The following CNTN4 variants were observed in gnomAD, a reference collection of about 807,000 sequenced individuals.
CNTN4 encodes the protein contactin-4.
CNTN4 carries 77 observed loss-of-function variants against 122.5 expected under a neutral mutation model. The ratio of observed to expected loss-of-function variants is 0.63; its 90% confidence interval spans 0.52 to 0.76. The LOEUF (loss-of-function observed/expected upper bound fraction) is 0.76, where lower values mean the gene tolerates loss of function less well. CNTN4 is among the 30% of genes least tolerant of loss of function. CNTN4 has a pLI of 0.00. For missense variants in CNTN4, 1,256 were observed against 1,259.1 expected, an observed-to-expected ratio of 1.00 and a Z score of 0.04; for synonymous variants, 512 against 447.0, an observed-to-expected ratio of 1.15 and a Z score of -1.83.
intron 3 of CNTN4, among the ~76,000 whole-genome samples, chr3:2,397,945 A>G (rs1406965887): frequency 6.6e-6 from 1 of 152,176 alleles, no homozygotes; most frequent in Admixed American, 6.6e-5. Flanking sequence ...AAGAAAATGA[A>G]GAGTGTATTC....
At position 2,123,595 on chromosome 3, in the gene CNTN4, C is replaced by G. The variant is rs543617002; in HGVS notation, c.-145+22956C>G. On this transcript the variant is annotated intron_variant, in intron 2 of 24. Coordinates refer to ENST00000418658, the MANE Select transcript of CNTN4 (RefSeq NM_175607.3). ...TGTATCTTCCCATGCTGACCCTACT[C>G]TCATGTTTCTGAACTGACATCTCGC... Among the ~76,000 whole-genome samples the G allele has an allele frequency of 7.9e-5, 12 of 152,316 alleles. No homozygotes were observed. The South Asian group carries it at 2.5e-3, about 32-fold the overall frequency.
chr3:2,215,365 A>G (rs903511584), intron 2 of CNTN4, among the ~76,000 whole-genome samples: 6 of 152,088 alleles, frequency 3.9e-5, no homozygotes, highest in African/African-American at 1.4e-4. Context: ...ACCATGATGT[A>G]TTTACCTGTT....
chr3:2,724,965 T>C (rs372544975), intron 4 of CNTN4, among the ~76,000 whole-genome samples: 9 of 152,254 alleles, frequency 5.9e-5, no homozygotes, highest in Admixed American at 2.0e-4. Context: ...CCACAAAAGG[T>C]TGGACAACTC....
intron 2 of CNTN4, among the ~76,000 whole-genome samples, chr3:2,216,121 A>G (rs2038830365): frequency 6.6e-6 from 1 of 152,190 alleles, no homozygotes; most frequent in Non-Finnish European, 1.5e-5. Context: ...AATAGCAAAG[A>G]CATGGAATCA....
intron 2 of CNTN4, among the ~76,000 whole-genome samples, chr3:2,310,077 A>G (rs1486419833): frequency 6.6e-6 from 1 of 152,140 alleles, no homozygotes; most frequent in Non-Finnish European, 1.5e-5. Context: ...GACTCCAATC[A>G]AATACTGCAG....
intron 7 of CNTN4, among the ~76,000 whole-genome samples, chr3:2,837,971 A>G (rs181381474): frequency 2.7e-4 from 41 of 152,348 alleles, no homozygotes; most frequent in Admixed American, 2.0e-3. Context: ...TCATCTCATC[A>G]TGTACTAGCA....
intron 3 of CNTN4, among the ~76,000 whole-genome samples, chr3:2,482,093 G>A (rs1399621279): frequency 2.0e-5 from 3 of 152,170 alleles, no homozygotes; most frequent in African/African-American, 7.2e-5. Context: ...ACAGTTTGGA[G>A]GGCTCAGAAG....
At chr3:2,887,289 G>A in intron 10 of CNTN4, 65 bp downstream of exon 10, 1 of 1,469,680 alleles carries the variant, frequency 6.8e-7, no homozygotes, top group Non-Finnish European at 9.4e-7. Flanking sequence ...GAAATCATAA[G>A]CTGAGAGGCA....
intron 14 of CNTN4, among the ~76,000 whole-genome samples, chr3:3,008,612 A>T (rs1369383414): frequency 1.3e-5 from 2 of 151,914 alleles, no homozygotes; most frequent in African/African-American, 4.8e-5. Context: ...GAGAATACCC[A>T]CCTCCCTAAG....
At chr3:2,204,179 A>G (rs1051236573) in intron 2 of CNTN4, among the ~76,000 whole-genome samples, 5 of 152,148 alleles carry the variant, frequency 3.3e-5, no homozygotes, top group African/African-American at 9.7e-5. Context: ...AGAGCAGGTA[A>G]CTTTTAAGAT....
chr3:2,423,756 C>T (rs1230662687), intron 3 of CNTN4, among the ~76,000 whole-genome samples: 1 of 151,954 alleles, frequency 6.6e-6, no homozygotes, highest in Admixed American at 6.6e-5. Flanking sequence ...TTTTAATACC[C>T]TGTTAATTAC....
intron 7 of CNTN4, among the ~76,000 whole-genome samples, chr3:2,840,676 GC>G (rs775697392): frequency 5.4e-5 from 8 of 149,314 alleles, no homozygotes; most frequent in Non-Finnish European, 1.2e-4. Context: ...TCCAGCCTGG[GC>G]GACAGAGCGA....
intron 3 of CNTN4, among the ~76,000 whole-genome samples, chr3:2,518,141 AG>A (rs58190946): frequency 0.34 from 51,532 of 151,994 alleles, 9,712 homozygotes; most frequent in African/African-American, 0.5. Context: ...GAGATGTGAA[AG>A]GCTTTAAAAA....
At chr3:2,872,728 T>C (rs1317967073) in intron 8 of CNTN4, among the ~76,000 whole-genome samples, 2 of 152,164 alleles carry the variant, frequency 1.3e-5, no homozygotes, top group African/African-American at 4.8e-5. Context: ...CATTTCTATA[T>C]TTACATACAT....
At chr3:2,753,053 G>A (rs1258510647) in intron 6 of CNTN4, among the ~76,000 whole-genome samples, 1 of 151,828 alleles carries the variant, frequency 6.6e-6, no homozygotes, top group South Asian at 2.1e-4. Context: ...CCATATTTTG[G>A]CTATTGTCAA....
chr3:2,867,095 T>G, intron 8 of CNTN4, 146 bp downstream of exon 8: 1 of 746,512 alleles, frequency 1.3e-6, no homozygotes, highest in Admixed American at 2.2e-5. Flanking sequence ...TACCCATATT[T>G]TCTCCACTTG....
chr3:2,502,984 A>G (rs1285054363), intron 3 of CNTN4, among the ~76,000 whole-genome samples: 1 of 152,172 alleles, frequency 6.6e-6, no homozygotes, highest in African/African-American at 2.4e-5. Flanking sequence ...ATAAAAATTC[A>G]TTTATTACTG....
At chr3:2,606,438 C>T (rs2149788513) in intron 4 of CNTN4, among the ~76,000 whole-genome samples, 1 of 152,206 alleles carries the variant, frequency 6.6e-6, no homozygotes, top group Non-Finnish European at 1.5e-5. Context: ...ACCATTATGG[C>T]ACACGTTTAC....
At chr3:2,969,597 G>A (rs1343949155) in intron 13 of CNTN4, among the ~76,000 whole-genome samples, 1 of 152,078 alleles carries the variant, frequency 6.6e-6, no homozygotes. Flanking sequence ...CCAATCCACA[G>A]GAAAATTGTG....
Sources: allele counts gnomAD v4.1 joint callset (sites outside exome capture counted in the v4.1 genomes callset), GRCh38; gene constraint gnomAD v4.1.1; transcripts MANE v1.5; gene names NCBI Gene and HGNC (gene_info 2026-07-23, HGNC 2026-07-21).